Variants in ELL observed in about 807,000 individuals in gnomAD.
ELL encodes the protein RNA polymerase II elongation factor ELL.
Under a neutral mutation model 64.0 loss-of-function variants are expected in ELL, and 18 were observed. The observed-to-expected ratio is 0.28, with a 90% CI of 0.19 to 0.42. The LOEUF is 0.42. ELL is among the 10% of genes least tolerant of loss of function. The pLI is 1.00. For synonymous variants in ELL, 399 were observed against 376.2 expected (o/e 1.06, Z -0.70); for missense variants, 797 against 870.4 (o/e 0.92, Z 1.06).
chr19:18,497,815 CAAA>C (rs58521941), intron 1 of ELL, among the ~76,000 whole-genome samples: 1,134 of 53,968 alleles, frequency 0.021, 6 homozygotes, highest in Middle Eastern at 0.078. Flanking sequence ...GATCTCATCT[CAAA>C]AAAAAAAAAA....
chr19:18,498,344 G>A (rs764899520), intron 1 of ELL, among the ~76,000 whole-genome samples: 1 of 152,134 alleles, frequency 6.6e-6, no homozygotes, highest in Non-Finnish European at 1.5e-5. Flanking sequence ...TTCGAGAAGG[G>A]CTTCATAGTA....
chr19:18,489,123 CA>C (rs1975476739), intron 1 of ELL, among the ~76,000 whole-genome samples: 1 of 152,228 alleles, frequency 6.6e-6, no homozygotes, highest in South Asian at 2.1e-4. Flanking sequence ...TAAAAGCGCC[CA>C]ATTTCGGCTC....
At chr19:18,507,423 T>C (rs1054488754) in intron 1 of ELL, among the ~76,000 whole-genome samples, 3 of 152,252 alleles carry the variant, frequency 2.0e-5, no homozygotes, top group Non-Finnish European at 4.4e-5. Context: ...TTCAAGCCAC[T>C]GGTATCTAAC....
At chr19:18,465,171 A>G (rs1215120214) in intron 4 of ELL, among the ~76,000 whole-genome samples, 5 of 152,214 alleles carry the variant, frequency 3.3e-5, no homozygotes. Context: ...AGGCTTCACA[A>G]GCCAGCAGCT....
In ELL at chr19:18,443,205, C is replaced by G. The variant is rs1974330960; in HGVS notation, c.*1547G>C. 1 of 232,088 alleles carries G rather than the reference C, an allele frequency of 4.3e-6. No homozygotes were observed. Among genetic ancestry groups the G allele is most frequent in the Non-Finnish European group, 8.5e-6 (1 of 117,280 alleles). 14.4% of individuals were successfully genotyped at this position (232,088 alleles called of 1,614,324 possible). On this transcript the variant is annotated 3_prime_UTR_variant, in exon 12 of 12. Coordinates refer to ENST00000262809, the MANE Select transcript of ELL (RefSeq NM_006532.4). ...CTGCTCGGCCCTTCCCCGGCCCGGC[C>G]CGGCCCAAAGAGAAAAACAACAACA...
intron 1 of ELL, among the ~76,000 whole-genome samples, chr19:18,488,830 C>G (rs1975469428): frequency 6.6e-6 from 1 of 152,220 alleles, no homozygotes; most frequent in Non-Finnish European, 1.5e-5. Flanking sequence ...ACACAGGACT[C>G]TCCCAAAATG....
At chr19:18,463,491 C>A (rs959047033) in intron 4 of ELL, among the ~76,000 whole-genome samples, 14 of 151,948 alleles carry the variant, frequency 9.2e-5, no homozygotes, top group Non-Finnish European at 1.6e-4. Context: ...CACGCCACCA[C>A]AACTGGCTAA....
chr19:18,450,661 C>T lies in ELL; in HGVS notation c.1281G>A (p.Leu427=), dbSNP rs1376089056. The T allele has an allele frequency of 3.1e-6, 5 of 1,591,470 alleles. No homozygotes were observed. Among genetic ancestry groups the T allele is most frequent in the Non-Finnish European group, 4.3e-6 (5 of 1,169,732 alleles). ...AAPAPTVRLG[L]PLLTDCAQPS... ...GCTGGGCACAGTCCGTCAGCAGGGG[C>T]AGGCCGAGGCGCACAGTGGGGGCTG... Residue 427 remains leucine, a synonymous_variant, in exon 8 of 12, where the codon CTG becomes CTA. Transcript: ENST00000262809.
At chr19:18,471,036 C>G (rs1364164605) in intron 2 of ELL, 1 of 453,004 alleles carries the variant, frequency 2.2e-6, no homozygotes, top group East Asian at 7.0e-5. Context: ...AGCTCTCAGG[C>G]TGTGGACAGA....
chr19:18,512,899 AAG>A (rs1976055784), intron 1 of ELL, among the ~76,000 whole-genome samples: 2 of 152,156 alleles, frequency 1.3e-5, no homozygotes, highest in Admixed American at 1.3e-4. Context: ...AGCATCCTTC[AAG>A]AGAGACGCCT....
Position 18,478,191 on chromosome 19 carries a change from G to T in ELL, c.136-5309C>A, listed in dbSNP as rs141730410. On this transcript the variant is annotated intron_variant, in intron 1 of 11. Transcript: ENST00000262809. ...TGGCTGCTCCCTCCAGAGCCAACAT[G>T]CGTGGTGTCATGGCCGAACCCTTGT... Among the ~76,000 whole-genome samples, 612 of 152,320 alleles carry T rather than the reference G, an allele frequency of 4.0e-3. 1 individual carries two copies. Among genetic ancestry groups the T allele is most frequent in the Non-Finnish European group, 6.0e-3 (409 of 68,024 alleles).
intron 2 of ELL, chr19:18,470,844 C>A: frequency 2.5e-6 from 1 of 401,056 alleles, no homozygotes; most frequent in Admixed American, 3.0e-5. Flanking sequence ...AGGTCTGCAG[C>A]CAGCCCTGAG....
intron 1 of ELL, among the ~76,000 whole-genome samples, chr19:18,486,842 C>T (rs1003125116): frequency 6.6e-6 from 1 of 152,234 alleles, no homozygotes; most frequent in Non-Finnish European, 1.5e-5. Context: ...CTTAGGTCCC[C>T]TTCCCAGTTT....
At chr19:18,478,711 G>C (rs1400857487) in intron 1 of ELL, among the ~76,000 whole-genome samples, 1 of 152,254 alleles carries the variant, frequency 6.6e-6, no homozygotes, top group Non-Finnish European at 1.5e-5. Flanking sequence ...CTGTGCCGAG[G>C]CTGGTGCTCC....
At chr19:18,460,774 C>T (rs1974792445) in intron 5 of ELL, among the ~76,000 whole-genome samples, 1 of 152,234 alleles carries the variant, frequency 6.6e-6, no homozygotes, top group South Asian at 2.1e-4. Context: ...GAACATCCCA[C>T]TTCCATCATC....
At chr19:18,511,859 T>A (rs1200202825) in intron 1 of ELL, among the ~76,000 whole-genome samples, 17 of 142,458 alleles carry the variant, frequency 1.2e-4, no homozygotes, top group Admixed American at 3.5e-4. Context: ...CCTCTACAAA[T>A]TAAAAAAAAA....
At chr19:18,456,858 C>T (rs1342261052) in intron 6 of ELL, among the ~76,000 whole-genome samples, 3 of 151,912 alleles carry the variant, frequency 2.0e-5, no homozygotes, top group Non-Finnish European at 2.9e-5. Context: ...TGGGCTAGCC[C>T]AGCTGGTAAC....
intron 1 of ELL, among the ~76,000 whole-genome samples, chr19:18,481,598 T>G (rs956628385): frequency 6.6e-6 from 1 of 152,132 alleles, no homozygotes; most frequent in Non-Finnish European, 1.5e-5. Flanking sequence ...TAATCTCATC[T>G]GCAAAGTCCC....
At chr19:18,505,664 G>C (rs1455382512) in intron 1 of ELL, among the ~76,000 whole-genome samples, 1 of 152,180 alleles carries the variant, frequency 6.6e-6, no homozygotes, top group African/African-American at 2.4e-5. Context: ...AGCCACCTAA[G>C]GCACCAGGCA....
Sources: gnomAD v4.1 joint callset for allele counts (sites outside exome capture counted in the v4.1 genomes callset) on GRCh38, gnomAD v4.1.1 for gene constraint, MANE v1.5 for transcripts, NCBI Gene and HGNC (gene_info 2026-07-23, HGNC 2026-07-21) for gene names.